Variants in SLC25A21 observed in about 807,000 individuals in gnomAD.
SLC25A21 encodes the protein mitochondrial 2-oxodicarboxylate carrier.
In SLC25A21, 47 loss-of-function variants were observed where a neutral mutation model predicts 43.8. That is an observed-to-expected ratio of 1.07 (90% CI 0.85 to 1.37). The LOEUF is 1.37. Ranked by LOEUF, SLC25A21 falls within the 40% of genes most tolerant of loss-of-function variation. SLC25A21 has a pLI of 0.00. For synonymous variants in SLC25A21, 131 were observed against 121.3 expected, an observed-to-expected ratio of 1.08 and a Z score of -0.52; for missense variants, 352 against 350.2, an observed-to-expected ratio of 1.00 and a Z score of -0.04.
intron 1 of SLC25A21, among the ~76,000 whole-genome samples, chr14:37,143,913 T>C (rs1963615324): frequency 6.6e-6 from 1 of 152,154 alleles, no homozygotes; most frequent in African/African-American, 2.4e-5. Context: ...AAAGTATAAT[T>C]AATTAAATTT....
intron 1 of SLC25A21, among the ~76,000 whole-genome samples, chr14:36,897,038 A>G (rs910527117): frequency 1.3e-5 from 2 of 151,872 alleles, no homozygotes; most frequent in Non-Finnish European, 2.9e-5. Flanking sequence ...CTTCTCGAGG[A>G]TTATTTTTGT....
At chr14:37,114,231 T>C (rs1488804379) in intron 1 of SLC25A21, among the ~76,000 whole-genome samples, 2 of 152,178 alleles carry the variant, frequency 1.3e-5, no homozygotes, top group African/African-American at 2.4e-5. Context: ...AAAAGATAGA[T>C]GTAATCAACC....
In SLC25A21 at chr14:36,701,580, A is replaced by G. The variant is rs76026572; in HGVS notation, c.603+9738T>C. 9.3e-4 allele frequency among the ~76,000 whole-genome samples: 141 copies of G among 152,346 alleles called. No individual in the cohort carries two copies. In the East Asian group the frequency reaches 0.026, roughly 28 times the overall value. On this transcript the variant is annotated intron_variant, in intron 7 of 9. Coordinates refer to ENST00000331299, the MANE Select transcript of SLC25A21 (RefSeq NM_030631.4). Reference sequence around the variant, plus strand: ...GTTTTACCCACTTAGCTCAAATTATAAAATATACATATATATAATGTCAAA... The same window carrying G: ...GTTTTACCCACTTAGCTCAAATTATGAAATATACATATATATAATGTCAAA...
At chr14:37,145,012 A>C (rs1373356126) in intron 1 of SLC25A21, among the ~76,000 whole-genome samples, 1 of 152,110 alleles carries the variant, frequency 6.6e-6, no homozygotes, top group East Asian at 1.9e-4. Context: ...TTCCCTCTCC[A>C]TTAATAATAA....
chr14:37,110,817 CT>C (rs1963005609), intron 1 of SLC25A21, among the ~76,000 whole-genome samples: 1 of 152,162 alleles, frequency 6.6e-6, no homozygotes, highest in Non-Finnish European at 1.5e-5. Context: ...TGAACCAGCA[CT>C]TTTCTTACCT....
chr14:36,943,352 C>T (rs192036798), intron 1 of SLC25A21, among the ~76,000 whole-genome samples: 2 of 152,160 alleles, frequency 1.3e-5, no homozygotes, highest in East Asian at 1.9e-4. Context: ...CCACCACACC[C>T]GGCTAATTTT....
rs951040193 is a variant in SLC25A21, at chr14:36,849,250, C to T, written c.119+25706G>A. Among the ~76,000 whole-genome samples, 3 of 152,066 alleles carry T rather than the reference C, an allele frequency of 2.0e-5. No homozygotes were observed. In the East Asian group the frequency reaches 5.8e-4, roughly 29 times the overall value. On this transcript the variant is annotated intron_variant, in intron 2 of 9. Coordinates refer to ENST00000331299, the MANE Select transcript of SLC25A21 (RefSeq NM_030631.4). ...CTCTGATTTCTTCCTGTCCTATATG[C>T]CCATCTGTATTTGTTCCCCTTTCGC...
chr14:37,168,651 A>C (rs1964071415), intron 1 of SLC25A21, among the ~76,000 whole-genome samples: 1 of 152,042 alleles, frequency 6.6e-6, no homozygotes, highest in Non-Finnish European at 1.5e-5. Context: ...AGAACCGAAA[A>C]AAAAAGCAAG....
chr14:36,819,494 C>T (rs900510281), intron 2 of SLC25A21, among the ~76,000 whole-genome samples: 6 of 152,054 alleles, frequency 3.9e-5, no homozygotes, highest in Non-Finnish European at 8.8e-5. Flanking sequence ...TCAGTCTCAG[C>T]ATAGATATAC....
At chr14:36,908,746 T>C (rs987145657) in intron 1 of SLC25A21, among the ~76,000 whole-genome samples, 2 of 152,186 alleles carry the variant, frequency 1.3e-5, no homozygotes, top group East Asian at 1.9e-4. Flanking sequence ...CAGAGTGATA[T>C]GGTGGTTGTC....
At chr14:37,156,158 CAAAAA>C (rs61052100) in intron 1 of SLC25A21, among the ~76,000 whole-genome samples, 4 of 103,816 alleles carry the variant, frequency 3.9e-5, no homozygotes, top group Non-Finnish European at 4.2e-5. Context: ...GACTCCATCT[CAAAAA>C]AAAAAAAAAA....
chr14:37,130,378 C>T (rs1235645004), intron 1 of SLC25A21, among the ~76,000 whole-genome samples: 1 of 152,150 alleles, frequency 6.6e-6, no homozygotes, highest in African/African-American at 2.4e-5. Context: ...CTAAGTCTTG[C>T]TATTAAAGCA....
chr14:36,902,518 T>C (rs1891423903), intron 1 of SLC25A21, among the ~76,000 whole-genome samples: 1 of 152,138 alleles, frequency 6.6e-6, no homozygotes, highest in Non-Finnish European at 1.5e-5. Context: ...AATCACATAT[T>C]CCAGGGGTTC....
chr14:36,801,323 G>C (rs150700874), intron 3 of SLC25A21, among the ~76,000 whole-genome samples: 3 of 152,190 alleles, frequency 2.0e-5, no homozygotes, highest in Non-Finnish European at 4.4e-5. Context: ...TAGATCTTTG[G>C]GCTCTCTTCT....
rs1414423321 is a variant in SLC25A21, at chr14:37,147,873, A to G, written c.70+24408T>C. On this transcript the variant is annotated intron_variant, in intron 1 of 9. Transcript: ENST00000331299. ...TTTTTTTTTTTGAGACAGAGTCTCA[A>G]CTCTGTAGCCCAGGCTGGAGTGCAG... 4.1e-5 allele frequency among the ~76,000 whole-genome samples: 5 copies of G among 120,968 alleles called. No individual in the cohort carries two copies. The Admixed American group carries it at 4.4e-4, about 11-fold the overall frequency. 79.4% of individuals were successfully genotyped at this position (120,968 alleles called of 152,430 possible).
chr14:36,952,906 G>A (rs1208667288), intron 1 of SLC25A21, among the ~76,000 whole-genome samples: 1 of 152,048 alleles, frequency 6.6e-6, no homozygotes, highest in Non-Finnish European at 1.5e-5. Context: ...CTCAAATGAC[G>A]GGCTATTTAC....
intron 7 of SLC25A21, among the ~76,000 whole-genome samples, chr14:36,704,656 CAA>C (rs758402770): frequency 4.8e-5 from 5 of 104,588 alleles, no homozygotes; most frequent in East Asian, 2.4e-4. Context: ...GACTCCGTCT[CAA>C]AAAAAAAAAA....
chr14:37,017,300 T>C lies in SLC25A21; in HGVS notation c.71-142296A>G, dbSNP rs530250271. Among the ~76,000 whole-genome samples the C allele has an allele frequency of 3.9e-5, 6 of 152,126 alleles. No homozygotes were observed. The South Asian group carries it at 1.0e-3, about 26-fold the overall frequency. ...GGCTTACTAAATGGCCTAATTTTAA[T>C]ATTGTTGTGTCTCTTGGAATAGGCA... On this transcript the variant is annotated intron_variant, in intron 1 of 9. Coordinates refer to ENST00000331299, the MANE Select transcript of SLC25A21 (RefSeq NM_030631.4).
intron 3 of SLC25A21, among the ~76,000 whole-genome samples, chr14:36,739,764 C>T (rs548441812): frequency 6.6e-6 from 1 of 152,142 alleles, no homozygotes; most frequent in South Asian, 2.1e-4. Flanking sequence ...AAGATACATG[C>T]CCCTCACCCC....
Sources: gnomAD v4.1 joint callset for allele counts (sites outside exome capture counted in the v4.1 genomes callset) on GRCh38, gnomAD v4.1.1 for gene constraint, MANE v1.5 for transcripts, NCBI Gene and HGNC (gene_info 2026-07-23, HGNC 2026-07-21) for gene names.